DIPK2A: variants seen among roughly 807,000 people sequenced by gnomAD.
DIPK2A encodes Golgi Protein of 49 kDa.
DIPK2A carries 27 observed loss-of-function variants against 39.0 expected under a neutral mutation model. The ratio of observed to expected loss-of-function variants is 0.69; its 90% CI spans 0.51 to 0.96. The LOEUF (loss-of-function observed/expected upper bound fraction) is 0.96. Ranked by LOEUF, DIPK2A falls within the 40% of genes least tolerant of loss-of-function variation. The pLI, the probability that DIPK2A is intolerant of heterozygous loss-of-function variation, is 0.00. For missense variants in DIPK2A, 528 were observed against 571.3 expected, an observed-to-expected ratio of 0.92 and a Z score of 0.77; for synonymous variants, 298 against 240.8, an observed-to-expected ratio of 1.24 and a Z score of -2.20.
intron 1 of DIPK2A, among the ~76,000 whole-genome samples, chr3:143,983,562 T>G (rs2087856578): frequency 6.6e-6 from 1 of 152,004 alleles, no homozygotes; most frequent in Non-Finnish European, 1.5e-5. Flanking sequence ...AAAGCTGTGT[T>G]TAGAGGAAAA....
At chr3:143,989,002 C>T (rs1419091279) in intron 2 of DIPK2A, among the ~76,000 whole-genome samples, 2 of 152,204 alleles carry the variant, frequency 1.3e-5, no homozygotes, top group Non-Finnish European at 2.9e-5. Context: ...TTGCCAACTA[C>T]GTTTCTCACA....
At chr3:143,985,453 C>G in intron 1 of DIPK2A, 90 bp from the exon 2 acceptor site, 4 of 1,097,982 alleles carry the variant, frequency 3.6e-6, no homozygotes, top group Middle Eastern at 4.2e-4. Context: ...AAAGTCATTC[C>G]TAGTAGCAAT....
At chr3:143,978,622 C>CTATATCTATATATATATCTA (rs2087769076) in intron 1 of DIPK2A, 10 of 121,672 alleles carry the variant, frequency 8.2e-5, no homozygotes, top group Non-Finnish European at 1.6e-4. Context: ...ATATCTATAT[C>CTATATCTATATATATATCTA]TATATATATA....
At chr3:143,977,463 A>G (rs112016541) in intron 1 of DIPK2A, among the ~76,000 whole-genome samples, 12 of 152,206 alleles carry the variant, frequency 7.9e-5, no homozygotes, top group African/African-American at 2.9e-4. Flanking sequence ...CACATGAAAT[A>G]AAACAAAAAC....
chr3:143,972,446 T>C lies in DIPK2A; in HGVS notation c.114T>C (p.Ser38=), dbSNP rs764263173. 1 of 1,596,338 alleles carries C rather than the reference T, an allele frequency of 6.3e-7. No individual in the cohort carries two copies. Among genetic ancestry groups the C allele is most frequent in the Admixed American group, 1.7e-5 (1 of 59,024 alleles). Residue 38 remains serine, a synonymous_variant, in exon 1 of 3, where the codon TCT becomes TCC. Transcript: ENST00000315691. ...TGCACTCGCCGTCGCTGCTCGCCTCTTGGCAGCGCAACGAACTGACCGACC... is the reference window on the plus strand; with the variant it reads ...TGCACTCGCCGTCGCTGCTCGCCTCCTGGCAGCGCAACGAACTGACCGACC... ...MVLHSPSLLA[S]WQRNELTDRR...
chr3:143,988,144 G>C (rs2087932029), intron 2 of DIPK2A, among the ~76,000 whole-genome samples: 1 of 151,666 alleles, frequency 6.6e-6, no homozygotes, highest in Non-Finnish European at 1.5e-5. Flanking sequence ...TGTCACCCAG[G>C]CTGGAGTGCA....
At chr3:143,973,490 T>A in intron 1 of DIPK2A, 5 of 1,551,304 alleles carry the variant, frequency 3.2e-6, no homozygotes, top group Non-Finnish European at 4.4e-6. Context: ...CTCATTTACC[T>A]GGCAGTCATT....
chr3:143,972,073 C>G lies in DIPK2A; in HGVS notation c.-260C>G. The G allele has an allele frequency of 2.6e-6, 1 of 380,346 alleles. No homozygotes were observed. The highest frequency in any genetic ancestry group is 4.6e-6 in the Non-Finnish European group (1 of 215,096). 23.6% of individuals were successfully genotyped at this position (380,346 alleles called of 1,614,324 possible). ...TTGGCTGGCGTGGAGGAGGCGCCGC[C>G]GGAGTCGGAGGGCGGGGAGCTAGGA... On this transcript the variant is annotated 5_prime_UTR_variant, in exon 1 of 3. Coordinates refer to ENST00000315691, the MANE Select transcript of DIPK2A (RefSeq NM_173552.5).
At chr3:143,973,428 T>C in intron 1 of DIPK2A, 1 of 1,550,364 alleles carries the variant, frequency 6.5e-7, no homozygotes, top group Non-Finnish European at 8.7e-7. Context: ...TCGCTCTTCC[T>C]TTTCTGGCGC....
rs1473251217 is a variant in DIPK2A, at chr3:143,989,530, G to A, written c.982G>A (p.Val328Ile). 1 of 1,611,358 alleles carries A rather than the reference G, an allele frequency of 6.2e-7. No individual in the cohort carries two copies. The highest frequency in any genetic ancestry group is 8.5e-7 in the Non-Finnish European group (1 of 1,177,704). The part of the protein sequence containing the change: ...IRQNKPENWD[V>I]WYESKFDDCD... ...CACAGATAAACCTGAAAATTGGGATGTATGGTATGAAAGCAAGTTTGATGA... is the reference window on the plus strand; with the variant it reads ...CACAGATAAACCTGAAAATTGGGATATATGGTATGAAAGCAAGTTTGATGA... The change falls in exon 3 of 3, where the codon GTA (valine) becomes ATA (isoleucine). Residue 328 changes from valine (V) to isoleucine (I), a missense_variant. Val to Ile is a conservative substitution (Grantham distance 29). Transcript: ENST00000315691.
chr3:143,981,581 A>C (rs1353423197), intron 1 of DIPK2A, among the ~76,000 whole-genome samples: 1 of 152,176 alleles, frequency 6.6e-6, no homozygotes, highest in Non-Finnish European at 1.5e-5. Flanking sequence ...TTTCCAGCAT[A>C]ATGTTGGCTT....
At position 143,972,438 on chromosome 3, in the gene DIPK2A, C is replaced by A; in HGVS notation, c.106C>A (p.Leu36Ile). The change falls in exon 1 of 3, where the codon CTC becomes ATC. Residue 36 changes from leucine to isoleucine, a missense_variant. Physicochemically the swap from Leu to Ile is conservative, Grantham distance 5. Around this residue, in one of 2 missense-constraint regions of DIPK2A, gnomAD observed 309 missense variants for 289.8 expected, o/e 1.07. Transcript: ENST00000315691. ...VLMVLHSPSL[L>I]ASWQRNELTD... ...GATGGTGCTGCACTCGCCGTCGCTG[C>A]TCGCCTCTTGGCAGCGCAACGAACT... 6.3e-7 allele frequency: 1 copy of A among 1,585,332 alleles called. No individual in the cohort carries two copies. The highest frequency in any genetic ancestry group is 8.6e-7 in the Non-Finnish European group (1 of 1,164,266).
chr3:143,985,878 C>T, intron 2 of DIPK2A, 32 bp downstream of exon 2: 1 of 1,517,812 alleles, frequency 6.6e-7, no homozygotes. Context: ...TTTTTCTACT[C>T]ATTTTTTCCT....
rs566804158 is a variant in DIPK2A at position 143,978,174 on chromosome 3, C to T, written c.657+5185C>T. Among the ~76,000 whole-genome samples the T allele has an allele frequency of 7.2e-5, 11 of 152,034 alleles. No homozygotes were observed. In the South Asian group the frequency reaches 2.3e-3, roughly 32 times the overall value. On this transcript the variant is annotated intron_variant, in intron 1 of 2. Coordinates refer to ENST00000315691, the MANE Select transcript of DIPK2A (RefSeq NM_173552.5). ...TTGGTTTGTGGGCTCTGGCTTACTT[C>T]CTATTTTTCTGTCATTGCTGCTGAC...
At chr3:143,973,177 G>A in intron 1 of DIPK2A, 188 bp downstream of exon 1, 4 of 997,266 alleles carry the variant, frequency 4.0e-6, no homozygotes, top group Non-Finnish European at 6.1e-6. Flanking sequence ...GGGCGACCCC[G>A]CTGATGGAGA....
intron 1 of DIPK2A, among the ~76,000 whole-genome samples, chr3:143,983,932 C>G (rs2107845682): frequency 6.6e-6 from 1 of 152,334 alleles, no homozygotes; most frequent in Admixed American, 6.5e-5. Context: ...TGATTAGTCA[C>G]TTCCATTAAT....
At chr3:143,978,606 A>ATC (rs1559854014) in intron 1 of DIPK2A, 19 of 37,532 alleles carry the variant, frequency 5.1e-4, no homozygotes, top group African/African-American at 4.3e-3. Context: ...ATCTATCTAT[A>ATC]TATATATATC....
At chr3:143,976,864 C>G (rs866634808) in intron 1 of DIPK2A, among the ~76,000 whole-genome samples, 1 of 151,976 alleles carries the variant, frequency 6.6e-6, no homozygotes, top group Non-Finnish European at 1.5e-5. Flanking sequence ...CAAAGCACTT[C>G]ACGTAGTATC....
chr3:143,980,921 A>G (rs1255363053), intron 1 of DIPK2A, among the ~76,000 whole-genome samples: 1 of 152,228 alleles, frequency 6.6e-6, no homozygotes, highest in Non-Finnish European at 1.5e-5. Context: ...TTAGTATACA[A>G]TATTTTTGGT....
Sources: allele counts gnomAD v4.1 joint callset (sites outside exome capture counted in the v4.1 genomes callset), GRCh38; gene constraint gnomAD v4.1.1; regional missense constraint gnomAD v4.1.1; transcripts MANE v1.5; gene names NCBI Gene and HGNC (gene_info 2026-07-23, HGNC 2026-07-21).